The following HFE variants were observed in gnomAD, a reference collection of about 807,000 sequenced individuals.
The protein encoded by HFE is homeostatic iron regulator, also known as hereditary hemochromatosis protein.
A neutral mutation model predicts 40.9 loss-of-function variants in HFE; 36 were observed. That is an observed-to-expected ratio of 0.88 (90% CI 0.67 to 1.16). The LOEUF is 1.16. Ranked by LOEUF, HFE falls within the 50% of genes most tolerant of loss-of-function variation. HFE has a pLI of 0.00. For missense variants in HFE, 376 were observed against 432.0 expected (o/e 0.87, Z 1.15); for synonymous variants, 157 against 165.4 (o/e 0.95, Z 0.39).
Position 26,094,671 on chromosome 6 carries a change from G to A in HFE, c.*445G>A. 1.8e-6 allele frequency: 1 copy of A among 562,564 alleles called. No individual in the cohort carries two copies. The highest frequency in any genetic ancestry group is 3.2e-6 in the Non-Finnish European group (1 of 314,374). 34.8% of individuals were successfully genotyped at this position (562,564 alleles called of 1,614,324 possible). A position where few individuals can be genotyped will look rare whatever the true frequency, so the allele number is the denominator to read the frequency against. On this transcript the variant is annotated 3_prime_UTR_variant, in exon 6 of 6. Coordinates refer to ENST00000357618, the MANE Select transcript of HFE (RefSeq NM_000410.4). ...ACCAGATTTTTACACATGTATCTAT[G>A]CATTTTCTGGACCCGTTCAACTTTT...
chr6:26,093,293 G>A, intron 5 of HFE, 61 bp downstream of exon 5: 4 of 1,151,986 alleles, frequency 3.5e-6, no homozygotes, highest in Non-Finnish European at 5.3e-6. Flanking sequence ...GTGGGAAGAG[G>A]GGCAGAGGGG....
chr6:26,094,341 C>A lies in HFE; in HGVS notation c.*115C>A. 1 of 956,076 alleles carries A rather than the reference C, an allele frequency of 1.0e-6. No homozygotes were observed. Among genetic ancestry groups the A allele is most frequent in the African/African-American group, 1.6e-5 (1 of 62,194 alleles). 59.2% of individuals were successfully genotyped at this position (956,076 alleles called of 1,614,324 possible). A position where few individuals can be genotyped will look rare whatever the true frequency, so the allele number is the denominator to read the frequency against. On this transcript the variant is annotated 3_prime_UTR_variant, in exon 6 of 6. Transcript: ENST00000357618. Reference sequence around the variant, plus strand: ...GAGTTGAACCTAAACATAGAAATTGCCTGACGAACTCCTTGATTTTAGCCT... The same window carrying A: ...GAGTTGAACCTAAACATAGAAATTGACTGACGAACTCCTTGATTTTAGCCT...
intron 3 of HFE, among the ~76,000 whole-genome samples, chr6:26,092,045 G>A (rs577636350): frequency 4.6e-5 from 7 of 151,818 alleles, no homozygotes; most frequent in Admixed American, 2.0e-4. Flanking sequence ...ACAGTCATGC[G>A]CACCTGTAGT....
chr6:26,093,139 C>T lies in HFE; in HGVS notation c.913C>T (p.Leu305=), dbSNP rs571150642. The part of the protein sequence containing the change: ...VIWEPSPSGT[L]VIGVISGIAV... ...TTTAGAGCCCTCACCGTCTGGCACC[C>T]TAGTCATTGGAGTCATCAGTGGAAT... is the stretch of plus-strand genomic sequence containing the variant. Residue 305 remains leucine, a synonymous_variant, in exon 5 of 6, where the codon CTA becomes TTA. Transcript: ENST00000357618. 4.3e-6 allele frequency: 7 copies of T among 1,614,076 alleles called. No individual in the cohort carries two copies. In the Admixed American group the frequency reaches 6.7e-5, roughly 15 times the overall value.
At position 26,098,000 on chromosome 6, in the gene HFE, C is replaced by T. The variant is rs1290401949; in HGVS notation, c.*3774C>T. On this transcript the variant is annotated 3_prime_UTR_variant, in exon 6 of 6. Transcript: ENST00000357618. ...CTTTCAAATTAAAGATTTTCACATG[C>T]AGGCTGATATTTGTAATTGTGATTC... 1.3e-5 allele frequency: 2 copies of T among 152,102 alleles called. No individual in the cohort carries two copies. The highest frequency in any genetic ancestry group is 1.9e-4 in the East Asian group (1 of 5,202). 9.4% of individuals were successfully genotyped at this position (152,102 alleles called of 1,614,324 possible). A position where few individuals can be genotyped will look rare whatever the true frequency, so the allele number is the denominator to read the frequency against.
chr6:26,088,206 C>G (rs927577204), intron 1 of HFE, among the ~76,000 whole-genome samples: 3 of 152,176 alleles, frequency 2.0e-5, no homozygotes, highest in African/African-American at 7.2e-5. Context: ...TTGAACTGAA[C>G]AATTCTCTTT....
intron 1 of HFE, among the ~76,000 whole-genome samples, chr6:26,089,049 G>T (rs1442165530): frequency 6.7e-6 from 1 of 149,590 alleles, no homozygotes. Context: ...CAAACTGAGT[G>T]GGCCTGGCAA....
At position 26,094,804 on chromosome 6, in the gene HFE, T is replaced by C. The variant is rs539558655; in HGVS notation, c.*578T>C. On this transcript the variant is annotated 3_prime_UTR_variant, in exon 6 of 6. Transcript: ENST00000357618. Reference sequence around the variant, plus strand: ...TTGCACAGCTATGAAGGCTGTACACTGCACGAATGGAAGAGGCACCTGTCC... The same window carrying C: ...TTGCACAGCTATGAAGGCTGTACACCGCACGAATGGAAGAGGCACCTGTCC... The C allele has an allele frequency of 2.2e-3, 528 of 243,146 alleles. 15 individuals carry two copies. In the South Asian group the frequency reaches 0.025, roughly 11 times the overall value. The allele number at this position is 243,146 out of a possible 1,614,324, so 15.1% of individuals were successfully genotyped here. A position where few individuals can be genotyped will look rare whatever the true frequency, so the allele number is the denominator to read the frequency against.
Position 26,090,984 on chromosome 6 carries a change from T to C in HFE, c.220T>C (p.Trp74Arg), listed in dbSNP as rs752596302. 1.2e-6 allele frequency: 2 copies of C among 1,614,166 alleles called. No individual in the cohort carries two copies. Among genetic ancestry groups the C allele is most frequent in the South Asian group, 2.2e-5 (2 of 91,082 alleles). The change falls in exon 2 of 6, where the codon TGG becomes CGG. Residue 74 changes from tryptophan (W) to arginine (R), a missense_variant. Around this residue, in one of 3 missense-constraint regions of HFE, gnomAD observed 200 missense variants for 228.5 expected, o/e 0.88. Coordinates refer to ENST00000357618, the MANE Select transcript of HFE (RefSeq NM_000410.4). ...TCGCCGTGTGGAGCCCCGAACTCCA[T>C]GGGTTTCCAGTAGAATTTCAAGCCA... ...ESRRVEPRTPWVSSRISSQMW... is the reference protein window; with the variant it reads ...ESRRVEPRTPRVSSRISSQMW...
At position 26,095,970 on chromosome 6, in the gene HFE, G is replaced by A. The variant is rs1374193905; in HGVS notation, c.*1744G>A. Reference sequence around the variant, plus strand: ...CTCTGGTGGTATTTCCCTCAATGAAGTGGAGTAAGCTCTCTCATTTTGAGA... The same window carrying A: ...CTCTGGTGGTATTTCCCTCAATGAAATGGAGTAAGCTCTCTCATTTTGAGA... On this transcript the variant is annotated 3_prime_UTR_variant, in exon 6 of 6. Coordinates refer to ENST00000357618, the MANE Select transcript of HFE (RefSeq NM_000410.4). 2 of 152,676 alleles carry A rather than the reference G, an allele frequency of 1.3e-5. No homozygotes were observed. The highest frequency in any genetic ancestry group is 4.8e-5 in the African/African-American group (2 of 41,408). 9.5% of individuals were successfully genotyped at this position (152,676 alleles called of 1,614,324 possible). A position where few individuals can be genotyped will look rare whatever the true frequency, so the allele number is the denominator to read the frequency against.
intron 5 of HFE, 22 bp from the exon 6 acceptor site, chr6:26,094,164 C>G: frequency 6.2e-7 from 1 of 1,613,356 alleles, no homozygotes; most frequent in Non-Finnish European, 8.5e-7. Flanking sequence ...ATGCCTCTTT[C>G]CTGGGTCTCT....
chr6:26,091,358 GACA>G lies in HFE; in HGVS notation c.389_391del (p.Asn130del), dbSNP rs866696814. ...CATCCTGGGCTGTGAAATGCAAGAAGACAACAGTACCGAGGGCTACTGGAAGTA... is the reference window on the plus strand; with the variant it reads ...CATCCTGGGCTGTGAAATGCAAGAAGACAGTACCGAGGGCTACTGGAAGTA... On this transcript the variant is annotated inframe_deletion, in exon 3 of 6. Transcript: ENST00000357618. The G allele has an allele frequency of 1.2e-6, 2 of 1,614,162 alleles. No individual in the cohort carries two copies. Among genetic ancestry groups the G allele is most frequent in the Non-Finnish European group, 1.7e-6 (2 of 1,180,032 alleles).
intron 3 of HFE, 135 bp from the exon 4 acceptor site, chr6:26,092,550 G>C (rs984050677): frequency 4.0e-6 from 6 of 1,507,176 alleles, no homozygotes; most frequent in Non-Finnish European, 5.5e-6. Flanking sequence ...ACACAAAATG[G>C]TGTCTCTCCT....
intron 1 of HFE, 131 bp downstream of exon 1, chr6:26,087,647 C>T: frequency 1.4e-6 from 1 of 740,544 alleles, no homozygotes. Flanking sequence ...GCCCCTCTCC[C>T]TACTTTCTGC....
Position 26,092,627 on chromosome 6 carries a change from G to A in HFE, c.617-58G>A, listed in dbSNP as rs776821351. On this transcript the variant is annotated intron_variant, in intron 3 of 5. Coordinates refer to ENST00000357618, the MANE Select transcript of HFE (RefSeq NM_000410.4). ...CCTATAGAAGGAAGTGAAAGTTCCA[G>A]TCTTCCTGGCAAGGGTAAACAGATC... 2.5e-5 allele frequency: 41 copies of A among 1,613,870 alleles called. No homozygotes were observed. The South Asian group carries it at 4.4e-4, about 17-fold the overall frequency.
chr6:26,090,068 G>A (rs989341595), intron 1 of HFE, among the ~76,000 whole-genome samples: 1 of 152,176 alleles, frequency 6.6e-6, no homozygotes, highest in African/African-American at 2.4e-5. Context: ...GGTAAATCAA[G>A]GATCTGCATT....
rs766754409 is a variant in HFE, at chr6:26,087,460, C to A, written c.20C>A (p.Pro7Gln). ...GGGGAAATGGGCCCGCGAGCCAGGC[C>A]GGCGCTTCTCCTCCTGATGCTTTTG... Reference protein sequence around the residue: MGPRARPALLLLMLLQT... With the variant: MGPRARQALLLLMLLQT... Residue 7 changes from proline (P) to glutamine (Q), a missense_variant, in exon 1 of 6, where the codon CCG becomes CAG. By Grantham distance (76) the Pro-to-Gln change is moderately conservative. Around this residue, in one of 3 missense-constraint regions of HFE, gnomAD observed 200 missense variants for 228.5 expected, o/e 0.88. Transcript: ENST00000357618. 3 of 1,614,084 alleles carry A rather than the reference C, an allele frequency of 1.9e-6. No homozygotes were observed. The highest frequency in any genetic ancestry group is 2.5e-6 in the Non-Finnish European group (3 of 1,179,990).
At chr6:26,087,648 T>G (rs1010343979) in intron 1 of HFE, 132 bp downstream of exon 1, 7 of 739,824 alleles carry the variant, frequency 9.5e-6, no homozygotes, top group African/African-American at 8.8e-5. Flanking sequence ...CCCCTCTCCC[T>G]ACTTTCTGCG....
At chr6:26,088,530 G>A (rs1762440639) in intron 1 of HFE, among the ~76,000 whole-genome samples, 1 of 152,224 alleles carries the variant, frequency 6.6e-6, no homozygotes, top group Non-Finnish European at 1.5e-5. Flanking sequence ...GTGTAGCACA[G>A]TGTTCTGTGG....
Sources: allele counts gnomAD v4.1 joint callset (sites outside exome capture counted in the v4.1 genomes callset), GRCh38; gene constraint gnomAD v4.1.1; regional missense constraint gnomAD v4.1.1; transcripts MANE v1.5; gene names NCBI Gene and HGNC (gene_info 2026-07-23, HGNC 2026-07-21).